TBCE: variants seen among roughly 807,000 people sequenced by gnomAD.
TBCE encodes the protein tubulin folding cofactor E.
Under a neutral mutation model 77.0 loss-of-function variants are expected in TBCE, and 53 were observed. That is an observed-to-expected ratio of 0.69 (90% CI 0.55 to 0.87). The LOEUF is 0.87. Ranked by LOEUF, TBCE falls within the 40% of genes least tolerant of loss-of-function variation. The pLI is 0.00. For missense variants in TBCE, 624 were observed against 622.4 expected (o/e 1.00, Z -0.03); for synonymous variants, 235 against 241.3 (o/e 0.97, Z 0.24).
chr1:235,400,699 CT>C (rs1012601112), intron 2 of TBCE, among the ~76,000 whole-genome samples: 127 of 133,342 alleles, frequency 9.5e-4, no homozygotes, highest in Non-Finnish European at 8.7e-4. Context: ...TGTGCCCAGC[CT>C]TTTTTTTTTT....
intron 4 of TBCE, chr1:235,414,851 C>T (rs1680024110): frequency 5.9e-6 from 3 of 505,458 alleles, no homozygotes; most frequent in Admixed American, 3.2e-5. Context: ...TATTTATTGG[C>T]CCATTATTAC....
intron 1 of TBCE, among the ~76,000 whole-genome samples, chr1:235,379,755 C>A (rs928640036): frequency 1.3e-5 from 2 of 151,802 alleles, no homozygotes; most frequent in Non-Finnish European, 2.9e-5. Context: ...TGGAGACCAG[C>A]CTGGGCAATG....
At chr1:235,426,969 C>T (rs962397749) in intron 5 of TBCE, among the ~76,000 whole-genome samples, 171 bp from the exon 6 acceptor site, 4 of 152,176 alleles carry the variant, frequency 2.6e-5, no homozygotes, top group African/African-American at 7.2e-5. Flanking sequence ...TTTCGTTTCT[C>T]AGTGAAGTTT....
At chr1:235,447,274 C>CA (rs1682416514) in intron 15 of TBCE, among the ~76,000 whole-genome samples, 1 of 152,056 alleles carries the variant, frequency 6.6e-6, no homozygotes, top group Admixed American at 6.5e-5. Context: ...ACAGCTTTTA[C>CA]AAAAATGATT....
At chr1:235,428,414 C>G (rs944321730) in intron 6 of TBCE, among the ~76,000 whole-genome samples, 3 of 152,072 alleles carry the variant, frequency 2.0e-5, no homozygotes, top group African/African-American at 7.2e-5. Flanking sequence ...AGAGAGAGAG[C>G]TGTTTTCCAT....
At chr1:235,408,153 A>G (rs1679564823) in intron 3 of TBCE, among the ~76,000 whole-genome samples, 1 of 152,258 alleles carries the variant, frequency 6.6e-6, no homozygotes, top group African/African-American at 2.4e-5. Flanking sequence ...ACAATTTAAG[A>G]AACAAAGCCC....
chr1:235,387,045 G>C lies in TBCE; in HGVS notation c.100+6896G>C, dbSNP rs1678053385. ...CAGGACCCTCAGCTGCAGGTCTGTT[G>C]GAGTTTGCTAGAGGTCCACTCCAGA... On this transcript the variant is annotated intron_variant, in intron 2 of 16. Transcript: ENST00000642610. Among the ~76,000 whole-genome samples, 4 of 152,218 alleles carry C rather than the reference G, an allele frequency of 2.6e-5. No homozygotes were observed. The South Asian group carries it at 8.3e-4, about 31-fold the overall frequency.
chr1:235,424,965 C>T (rs913356333), intron 5 of TBCE, among the ~76,000 whole-genome samples: 17 of 152,112 alleles, frequency 1.1e-4, no homozygotes, highest in Admixed American at 5.2e-4. Flanking sequence ...CTTCTTCTGT[C>T]GCTGGCCACT....
intron 11 of TBCE, 83 bp from the exon 12 acceptor site, chr1:235,437,239 T>C (rs759724496): frequency 5.4e-5 from 84 of 1,566,080 alleles, no homozygotes; most frequent in Non-Finnish European, 7.0e-5. Context: ...ACTAGGGACA[T>C]GCTTTCCTGT....
intron 14 of TBCE, 152 bp from the exon 15 acceptor site, chr1:235,442,700 G>A: frequency 1.4e-6 from 1 of 695,212 alleles, no homozygotes; most frequent in Non-Finnish European, 2.5e-6. Context: ...GCAATCCATG[G>A]AAGGATTAAT....
chr1:235,441,374 C>T (rs1012219465), intron 13 of TBCE: 14 of 257,486 alleles, frequency 5.4e-5, no homozygotes, highest in African/African-American at 3.0e-4. Context: ...TCCTGTGGAT[C>T]GTGTCTCAGG....
chr1:235,429,020 C>T (rs1483878507), intron 6 of TBCE: 2 of 131,358 alleles, frequency 1.5e-5, no homozygotes, highest in Non-Finnish European at 3.1e-5. Context: ...CAGAGTCTCA[C>T]TCTTGTCGCC....
At chr1:235,405,135 G>A (rs1679342635) in intron 3 of TBCE, among the ~76,000 whole-genome samples, 1 of 151,512 alleles carries the variant, frequency 6.6e-6, no homozygotes, top group South Asian at 2.1e-4. Flanking sequence ...GCTAATTTTT[G>A]TATTTTTAGT....
intron 2 of TBCE, among the ~76,000 whole-genome samples, chr1:235,394,418 CTTTTTTTTTT>C (rs386370043): frequency 5.5e-5 from 4 of 72,314 alleles, no homozygotes; most frequent in Non-Finnish European, 7.2e-5. Flanking sequence ...TTGATAATTT[CTTTTTTTTTT>C]TTTTTTTTTT....
intron 3 of TBCE, 61 bp downstream of exon 3, chr1:235,401,648 A>G: frequency 7.2e-7 from 1 of 1,384,710 alleles, no homozygotes; most frequent in East Asian, 2.3e-5. Context: ...ATACTTGAAT[A>G]AGGAGGGATG....
At chr1:235,394,364 A>G (rs1271157340) in intron 2 of TBCE, among the ~76,000 whole-genome samples, 2 of 146,706 alleles carry the variant, frequency 1.4e-5, no homozygotes, top group African/African-American at 5.1e-5. Context: ...GTGAGCCACC[A>G]TGCCTGGCCT....
intron 5 of TBCE, among the ~76,000 whole-genome samples, chr1:235,426,490 T>C (rs1008937298): frequency 6.6e-6 from 1 of 152,174 alleles, no homozygotes; most frequent in African/African-American, 2.4e-5. Flanking sequence ...CTTGTGTGTA[T>C]ACCTTAGGTG....
At chr1:235,443,322 C>T (rs1465263857) in intron 15 of TBCE, among the ~76,000 whole-genome samples, 1 of 152,134 alleles carries the variant, frequency 6.6e-6, no homozygotes, top group African/African-American at 2.4e-5. Flanking sequence ...CAGCCTCAGC[C>T]TCCACGTAGC....
intron 4 of TBCE, among the ~76,000 whole-genome samples, chr1:235,417,881 G>A (rs1217819952): frequency 6.6e-6 from 1 of 152,032 alleles, no homozygotes; most frequent in Non-Finnish European, 1.5e-5. Flanking sequence ...GGGTTCAAGC[G>A]ATTCCCCTGT....
Sources: allele counts gnomAD v4.1 joint callset (sites outside exome capture counted in the v4.1 genomes callset), GRCh38; gene constraint gnomAD v4.1.1; transcripts MANE v1.5; gene names NCBI Gene and HGNC (gene_info 2026-07-23, HGNC 2026-07-21).